The following GALNT15 variants were observed in gnomAD, a reference collection of about 807,000 sequenced individuals.
GALNT15 encodes UDP-GalNAc transferase T15.
A neutral mutation model predicts 66.8 loss-of-function variants in GALNT15; 67 were observed. The observed-to-expected ratio is 1.00, with a 90% CI of 0.82 to 1.23. GALNT15 has a LOEUF of 1.23. Ranked by LOEUF, GALNT15 falls within the 50% of genes most tolerant of loss-of-function variation. GALNT15 has a pLI of 0.00. For missense variants in GALNT15, 827 were observed against 804.3 expected, an observed-to-expected ratio of 1.03 and a Z score of -0.34; for synonymous variants, 313 against 311.5, an observed-to-expected ratio of 1.00 and a Z score of -0.05.
rs17272362 is a variant in GALNT15, at chr3:16,195,501, G to A, written c.540-259G>A. The stretch of plus-strand genomic sequence containing the variant: ...AGGACAGTCATTTGCTGAGGATGAC[G>A]GCAACGCTTCTCAATTGCAATGAGA... On this transcript the variant is annotated intron_variant, in intron 1 of 9. Coordinates refer to ENST00000339732, the MANE Select transcript of GALNT15 (RefSeq NM_054110.5). The surrounding 1 kb of genome is among the most constrained non-coding windows in gnomAD (Gnocchi z 4.6). 0.052 allele frequency among the ~76,000 whole-genome samples: 7,925 copies of A among 152,238 alleles called. 235 individuals carry two copies. The highest frequency in any genetic ancestry group is 0.071 in the Middle Eastern group (21 of 294).
At chr3:16,245,243 A>T in the GALNT15 span, among the ~76,000 whole-genome samples, 10 of 152,074 alleles carry the variant, frequency 6.6e-5, no homozygotes, top group African/African-American at 2.4e-4. Flanking sequence ...CCCATCTCAC[A>T]TCCTCACTCC....
chr3:16,238,730 C>A, the GALNT15 span, among the ~76,000 whole-genome samples: 1 of 152,056 alleles, frequency 6.6e-6, no homozygotes. The surrounding 1 kb of genome is among the most constrained non-coding windows in gnomAD (Gnocchi z 4.8). Context: ...GATTGCCTCC[C>A]AGTATTTGTG....
intron 8 of GALNT15, among the ~76,000 whole-genome samples, chr3:16,222,152 A>G (rs922145314): frequency 7.2e-5 from 11 of 152,218 alleles, no homozygotes; most frequent in Admixed American, 6.5e-4. Context: ...GGTGTGCACA[A>G]TCCAACACTA....
Position 16,209,030 on chromosome 3 carries a change from C to G in GALNT15, c.1079+360C>G, listed in dbSNP as rs1347197130. Reference sequence around the variant, plus strand: ...AACCTGAGATGGAATCTTGGCCCAGCTCTCTCATCAGGTACAGTGTGAATT... The same window carrying G: ...AACCTGAGATGGAATCTTGGCCCAGGTCTCTCATCAGGTACAGTGTGAATT... On this transcript the variant is annotated intron_variant, in intron 4 of 9. Transcript: ENST00000339732. This position sits in a 1 kb window ranked among gnomAD's most constrained non-coding sequence, Gnocchi z 4.1. 1.3e-5 allele frequency among the ~76,000 whole-genome samples: 2 copies of G among 152,182 alleles called. No homozygotes were observed. The highest frequency in any genetic ancestry group is 1.3e-4 in the Admixed American group (2 of 15,282).
chr3:16,235,388 C>T (rs1043883346), downstream of GALNT15, among the ~76,000 whole-genome samples: 2 of 152,132 alleles, frequency 1.3e-5, no homozygotes, highest in African/African-American at 2.4e-5. Flanking sequence ...AAAATGTTCC[C>T]CCTCATATTT....
chr3:16,243,435 G>GT, the GALNT15 span, among the ~76,000 whole-genome samples: 1 of 152,252 alleles, frequency 6.6e-6, no homozygotes, highest in Non-Finnish European at 1.5e-5. Context: ...AGCTGATGCA[G>GT]TGGGCGCCCA....
rs780546293 is a variant in GALNT15, at chr3:16,175,690, TGTAA to T, written c.539+6_539+9del. ...GCTCTGCCCGAGGTGCGGCACCCACTGTAAGTAAGGCCCTTGTTTTCCCTTCCCT... is the reference window on the plus strand; with the variant it reads ...GCTCTGCCCGAGGTGCGGCACCCACTGTAAGGCCCTTGTTTTCCCTTCCCT... On this transcript the variant is annotated splice_donor_variant and splice_donor_region_variant and intron_variant, in intron 1 of 9. Transcript: ENST00000339732. LOFTEE classifies it high-confidence loss of function. This position sits in a 1 kb window ranked among gnomAD's most constrained non-coding sequence, Gnocchi z 5.6. 1.3e-6 allele frequency: 2 copies of T among 1,572,012 alleles called. No individual in the cohort carries two copies. Among genetic ancestry groups the T allele is most frequent in the African/African-American group, 2.7e-5 (2 of 73,434 alleles).
intron 1 of GALNT15, among the ~76,000 whole-genome samples, chr3:16,190,515 G>A (rs1398782171): frequency 6.6e-6 from 1 of 152,048 alleles, no homozygotes; most frequent in East Asian, 1.9e-4. Flanking sequence ...GCGGGCGCCT[G>A]TAGTCCCAGC....
intron 3 of GALNT15, among the ~76,000 whole-genome samples, chr3:16,208,254 T>C (rs12486293): frequency 0.14 from 21,781 of 152,176 alleles, 1,681 homozygotes; most frequent in South Asian, 0.28. Flanking sequence ...AAACCCAATA[T>C]ATCCAAAATA....
Position 16,209,828 on chromosome 3 carries a change from AAAAAAC to A in GALNT15, c.1079+1169_1079+1174del. Among the ~76,000 whole-genome samples the A allele has an allele frequency of 6.6e-6, 1 of 152,224 alleles. No individual in the cohort carries two copies. The highest frequency in any genetic ancestry group is 1.9e-4 in the East Asian group (1 of 5,202). ...CAGAGCAAGATTCTGTCTCAAAAAC[AAAAAAC>A]AAAAACAAAATCATTAGGCAGCAAA... On this transcript the variant is annotated intron_variant, in intron 4 of 9. Transcript: ENST00000339732. This position sits in a 1 kb window ranked among gnomAD's most constrained non-coding sequence, Gnocchi z 4.1.
downstream of GALNT15, among the ~76,000 whole-genome samples, chr3:16,236,659 CAAA>C (rs1172221418): frequency 6.6e-6 from 1 of 151,896 alleles, no homozygotes; most frequent in Non-Finnish European, 1.5e-5. Flanking sequence ...CAAAAAATAA[CAAA>C]AAAAGAGGGA....
At position 16,228,197 on chromosome 3, in the gene GALNT15, T is replaced by G. The variant is rs2064043710; in HGVS notation, c.*697T>G. On this transcript the variant is annotated 3_prime_UTR_variant, in exon 10 of 10. Transcript: ENST00000339732. ...TAGAGAATTTCCTTCCTACTGAGAA[T>G]CTACCTCTATTCCCCCTGCCCTAGC... 2.0e-6 allele frequency: 2 copies of G among 985,750 alleles called. No individual in the cohort carries two copies. The highest frequency in any genetic ancestry group is 1.7e-5 in the African/African-American group (1 of 57,256). The allele number at this position is 985,750 out of a possible 1,614,324, so 61.1% of individuals were successfully genotyped here. A position where few individuals can be genotyped will look rare whatever the true frequency, so the allele number is the denominator to read the frequency against.
rs1221576259 is a variant in GALNT15, at chr3:16,229,996, C to T, written c.*2496C>T. On this transcript the variant is annotated 3_prime_UTR_variant, in exon 10 of 10. Transcript: ENST00000339732. Reference sequence around the variant, plus strand: ...TGTAACCAAGTGTTCAAATTCCCTTCTTCTCTATGAACTCAGCATTCATTT... The same window carrying T: ...TGTAACCAAGTGTTCAAATTCCCTTTTTCTCTATGAACTCAGCATTCATTT... Among the ~76,000 whole-genome samples the T allele has an allele frequency of 6.6e-6, 1 of 152,208 alleles. No homozygotes were observed. Among genetic ancestry groups the T allele is most frequent in the Non-Finnish European group, 1.5e-5 (1 of 68,036 alleles).
chr3:16,244,158 C>A, the GALNT15 span: 1 of 279,758 alleles, frequency 3.6e-6, no homozygotes, highest in Non-Finnish European at 5.4e-6. Flanking sequence ...CTGGCAGAGA[C>A]GTTTGAGTGG....
chr3:16,211,058 C>G lies in GALNT15; in HGVS notation c.1080-66C>G. 1 of 1,204,300 alleles carries G rather than the reference C, an allele frequency of 8.3e-7. No homozygotes were observed. Among genetic ancestry groups the G allele is most frequent in the Non-Finnish European group, 1.2e-6 (1 of 813,000 alleles). 74.6% of individuals were successfully genotyped at this position (1,204,300 alleles called of 1,614,324 possible). The stretch of plus-strand genomic sequence containing the variant: ...GGAGCTCCCACCTGGGAAGCCCCAG[C>G]CCCCAGCCTCGCCTGCTGTGCTCTG... On this transcript the variant is annotated intron_variant, in intron 4 of 9. Coordinates refer to ENST00000339732, the MANE Select transcript of GALNT15 (RefSeq NM_054110.5). This position sits in a 1 kb window ranked among gnomAD's most constrained non-coding sequence, Gnocchi z 4.3.
At chr3:16,234,652 A>G (rs2064115149), downstream of GALNT15, among the ~76,000 whole-genome samples, 1 of 152,224 alleles carries the variant, frequency 6.6e-6, no homozygotes, top group Non-Finnish European at 1.5e-5. Context: ...CCACTTGCAC[A>G]CAAATCCTTA....
rs2063477913 is a variant in GALNT15 at position 16,182,163 on chromosome 3, C to T, written c.539+6473C>T. Among the ~76,000 whole-genome samples the T allele has an allele frequency of 6.6e-6, 1 of 152,122 alleles. No individual in the cohort carries two copies. The highest frequency in any genetic ancestry group is 6.5e-5 in the Admixed American group (1 of 15,270). On this transcript the variant is annotated intron_variant, in intron 1 of 9. Coordinates refer to ENST00000339732, the MANE Select transcript of GALNT15 (RefSeq NM_054110.5). This position sits in a 1 kb window ranked among gnomAD's most constrained non-coding sequence, Gnocchi z 6.1. ...GCCACTCACAGTGTGGTCCTCAGAC[C>T]TGCAGCCTCAGAAATGCAGACCCTT... is the stretch of plus-strand genomic sequence containing the variant.
At chr3:16,207,690 C>G (rs2063772545) in intron 3 of GALNT15, among the ~76,000 whole-genome samples, 1 of 152,006 alleles carries the variant, frequency 6.6e-6, no homozygotes, top group African/African-American at 2.4e-5. Flanking sequence ...TTTCTCAAGC[C>G]AATCCAGTTT....
In GALNT15 at chr3:16,204,843, T is replaced by C. The variant is rs2063740174; in HGVS notation, c.912-3660T>C. Among the ~76,000 whole-genome samples, 1 of 151,236 alleles carries C rather than the reference T, an allele frequency of 6.6e-6. No individual in the cohort carries two copies. Among genetic ancestry groups the C allele is most frequent in the African/African-American group, 2.5e-5 (1 of 40,664 alleles). On this transcript the variant is annotated intron_variant, in intron 3 of 9. Coordinates refer to ENST00000339732, the MANE Select transcript of GALNT15 (RefSeq NM_054110.5). The surrounding 1 kb of genome is among the most constrained non-coding windows in gnomAD (Gnocchi z 4.5). ...ACCTCCCACTCTGCCCTTTGAAGGGTTAAATGATGGAAAGCAGTGTAAGAA... is the reference window on the plus strand; with the variant it reads ...ACCTCCCACTCTGCCCTTTGAAGGGCTAAATGATGGAAAGCAGTGTAAGAA...
Sources: allele counts gnomAD v4.1 joint callset (sites outside exome capture counted in the v4.1 genomes callset), GRCh38; gene constraint gnomAD v4.1.1; non-coding constraint Gnocchi (gnomAD v3.1); transcripts MANE v1.5; gene names NCBI Gene and HGNC (gene_info 2026-07-23, HGNC 2026-07-21).